Variants in NRG1 observed in about 807,000 individuals in gnomAD.
NRG1 encodes the protein pro-neuregulin-1, membrane-bound isoform.
NRG1 carries 18 observed loss-of-function variants against 63.8 expected under a neutral mutation model. That is an observed-to-expected ratio of 0.28 (90% CI 0.19 to 0.42). The LOEUF (loss-of-function observed/expected upper bound fraction) is 0.42, where lower values mean the gene tolerates loss of function less well. Ranked by LOEUF, NRG1 falls within the 10% of genes least tolerant of loss-of-function variation. NRG1 has a pLI of 1.00. For missense variants in NRG1, 762 were observed against 814.7 expected (o/e 0.94, Z 0.79); for synonymous variants, 302 against 301.3 (o/e 1.00, Z -0.02).
At chr8:32,422,882 A>G (rs1563443836) in intron 1 of NRG1, among the ~76,000 whole-genome samples, 1 of 152,232 alleles carries the variant, frequency 6.6e-6, no homozygotes, top group Non-Finnish European at 1.5e-5. Context: ...TGTAATAACT[A>G]ACTATGATAT....
chr8:31,904,641 A>T, intron 1 of NRG1, among the ~76,000 whole-genome samples: 1 of 152,232 alleles, frequency 6.6e-6, no homozygotes, highest in East Asian at 1.9e-4. Context: ...GCTCACCAAC[A>T]GTAGACTGGA....
intron 1 of NRG1, among the ~76,000 whole-genome samples, chr8:32,127,083 A>G (rs1034223663): frequency 2.6e-5 from 4 of 151,878 alleles, no homozygotes; most frequent in African/African-American, 9.7e-5. Flanking sequence ...TCCAATCTGT[A>G]TGTATGTAGT....
At chr8:32,198,302 C>T (rs927965852) in intron 1 of NRG1, among the ~76,000 whole-genome samples, 50 of 152,078 alleles carry the variant, frequency 3.3e-4, no homozygotes, top group African/African-American at 9.9e-4. Flanking sequence ...CTCAGCCTCT[C>T]GAGTAGCTGG....
intron 1 of NRG1, among the ~76,000 whole-genome samples, chr8:32,052,455 A>T (rs1335400213): frequency 6.6e-6 from 1 of 150,964 alleles, no homozygotes; most frequent in Admixed American, 6.6e-5. Context: ...TTTTATTTGT[A>T]TTTTTTTTAA....
At chr8:31,908,194 T>C (rs534934143) in intron 1 of NRG1, among the ~76,000 whole-genome samples, 1 of 152,330 alleles carries the variant, frequency 6.6e-6, no homozygotes, top group African/African-American at 2.4e-5. Flanking sequence ...CACCTCTCCC[T>C]GTAGGCAGAG....
intron 7 of NRG1, among the ~76,000 whole-genome samples, chr8:32,746,117 C>T (rs1827375311): frequency 1.3e-5 from 2 of 151,942 alleles, no homozygotes; most frequent in African/African-American, 4.8e-5. Context: ...TGAGATTTTA[C>T]TGTGTGTGTG....
chr8:32,052,006 T>C (rs1822053435), intron 1 of NRG1, among the ~76,000 whole-genome samples: 2 of 152,160 alleles, frequency 1.3e-5, no homozygotes, highest in African/African-American at 4.8e-5. Flanking sequence ...TTCTGGCATC[T>C]CAGTGAGTTG....
In NRG1 at chr8:31,803,783, G is replaced by C. The variant is rs959606578; in HGVS notation, c.37+164352G>C. 3.9e-5 allele frequency among the ~76,000 whole-genome samples: 6 copies of C among 152,170 alleles called. No homozygotes were observed. In the East Asian group the frequency reaches 7.7e-4, roughly 20 times the overall value. Reference sequence around the variant, plus strand: ...ATGGCCTAAAGGGTCTACTTGATCAGTGTATCGCCTTTCTCTAGAACTTAA... The same window carrying C: ...ATGGCCTAAAGGGTCTACTTGATCACTGTATCGCCTTTCTCTAGAACTTAA... On this transcript the variant is annotated intron_variant, in intron 1 of 10. Coordinates refer to the NRG1 transcript ENST00000519301.
chr8:32,687,172 C>A (rs73675413), intron 5 of NRG1, among the ~76,000 whole-genome samples: 2,921 of 152,180 alleles, frequency 0.019, 106 homozygotes, highest in African/African-American at 0.067. Flanking sequence ...AGAAAAAGAG[C>A]CAAGGAAAGC....
chr8:32,733,781 C>T (rs776276907), intron 6 of NRG1, among the ~76,000 whole-genome samples: 1 of 151,992 alleles, frequency 6.6e-6, no homozygotes, highest in Admixed American at 6.5e-5. Flanking sequence ...TGGTACAATG[C>T]TGACTATTAA....
chr8:31,677,651 A>G (rs1407820134), intron 1 of NRG1, among the ~76,000 whole-genome samples: 1 of 152,126 alleles, frequency 6.6e-6, no homozygotes, highest in Non-Finnish European at 1.5e-5. Context: ...CCACAGTAAA[A>G]TTTAATGTAT....
chr8:32,549,475 G>T (rs1833719535), intron 1 of NRG1, among the ~76,000 whole-genome samples: 1 of 152,250 alleles, frequency 6.6e-6, no homozygotes, highest in Non-Finnish European at 1.5e-5. Context: ...CTAGTCCAGT[G>T]TCAGGAATCA....
intron 1 of NRG1, among the ~76,000 whole-genome samples, chr8:31,643,612 A>T (rs190232049): frequency 1.3e-5 from 2 of 152,234 alleles, no homozygotes; most frequent in Admixed American, 6.5e-5. Context: ...TTGTAGTTGA[A>T]GTTTGTATAA....
intron 1 of NRG1, among the ~76,000 whole-genome samples, chr8:32,444,377 C>G (rs1057271769): frequency 2.0e-5 from 3 of 152,136 alleles, no homozygotes; most frequent in African/African-American, 7.2e-5. Context: ...TGGGCTCAAG[C>G]AGTCCTCCCA....
intron 1 of NRG1, among the ~76,000 whole-genome samples, chr8:31,936,316 A>C (rs535063335): frequency 6.6e-6 from 1 of 152,300 alleles, no homozygotes; most frequent in East Asian, 1.9e-4. Context: ...ATATTTCATA[A>C]GTTTTTTGTT....
rs1329155025 is a variant in NRG1 at position 32,126,822 on chromosome 8, T to G, written c.38-469006T>G. Among the ~76,000 whole-genome samples, 4 of 152,044 alleles carry G rather than the reference T, an allele frequency of 2.6e-5. 1 individual carries two copies. In the East Asian group the frequency reaches 7.8e-4, roughly 30 times the overall value. On this transcript the variant is annotated intron_variant, in intron 1 of 10. Coordinates refer to the NRG1 transcript ENST00000519301. ...AGTGTATTTCCAACATCCCAGAGTCTTAGCTGTGCATTGCCAGCTTCCACT... is the reference window on the plus strand; with the variant it reads ...AGTGTATTTCCAACATCCCAGAGTCGTAGCTGTGCATTGCCAGCTTCCACT...
intron 1 of NRG1, among the ~76,000 whole-genome samples, chr8:31,876,467 A>G (rs1829931264): frequency 6.6e-6 from 1 of 152,148 alleles, no homozygotes; most frequent in Admixed American, 6.6e-5. Context: ...TTTGATTATC[A>G]CATTTAGAAT....
At chr8:32,128,092 C>T (rs1293468720) in intron 1 of NRG1, among the ~76,000 whole-genome samples, 1 of 151,888 alleles carries the variant, frequency 6.6e-6, no homozygotes, top group Non-Finnish European at 1.5e-5. Flanking sequence ...ACATATTTGG[C>T]TGAACATTTT....
intron 1 of NRG1, among the ~76,000 whole-genome samples, chr8:32,003,733 G>T (rs943313177): frequency 2.0e-5 from 3 of 151,506 alleles, no homozygotes; most frequent in Middle Eastern, 3.2e-3. Context: ...ACAAAATAAA[G>T]AAAATAATCC....
Sources: allele counts gnomAD v4.1 joint callset (sites outside exome capture counted in the v4.1 genomes callset), GRCh38; gene constraint gnomAD v4.1.1; transcripts MANE v1.5; gene names NCBI Gene and HGNC (gene_info 2026-07-23, HGNC 2026-07-21).